The following DEPDC1B variants were observed in gnomAD, a reference collection of about 807,000 sequenced individuals.
DEPDC1B encodes the protein DEP domain containing 1B, also known as DEP domain-containing protein 1B.
Under a neutral mutation model 66.5 loss-of-function variants are expected in DEPDC1B, and 51 were observed. The ratio of observed to expected loss-of-function variants is 0.77; its 90% CI spans 0.61 to 0.97. The LOEUF is 0.97. DEPDC1B is among the 50% of genes least tolerant of loss of function. The pLI is 0.00. For missense variants in DEPDC1B, 552 were observed against 637.1 expected (o/e 0.87, Z 1.44); for synonymous variants, 226 against 223.6 (o/e 1.01, Z -0.10).
At position 60,690,668 on chromosome 5, in the gene DEPDC1B, C is replaced by T. The variant is rs186471564; in HGVS notation, c.49-3441G>A. Among the ~76,000 whole-genome samples the T allele has an allele frequency of 1.4e-3, 210 of 152,274 alleles. 2 individuals are homozygous for T. The East Asian group carries it at 0.017, about 12-fold the overall frequency. Reference sequence around the variant, plus strand: ...TCCGAATCTTTTGTCTCTCACCTCTCTTCCTATTTAAATCAGATTTTTCTG... The same window carrying T: ...TCCGAATCTTTTGTCTCTCACCTCTTTTCCTATTTAAATCAGATTTTTCTG... On this transcript the variant is annotated intron_variant, in intron 1 of 10. Transcript: ENST00000265036.
intron 2 of DEPDC1B, among the ~76,000 whole-genome samples, chr5:60,665,264 C>T (rs1021331319): frequency 2.0e-5 from 3 of 152,186 alleles, no homozygotes; most frequent in Non-Finnish European, 4.4e-5. Context: ...CCAGACCTTT[C>T]ACTTAGGCAT....
chr5:60,625,591 G>A (rs777835663), intron 7 of DEPDC1B, among the ~76,000 whole-genome samples: 1 of 152,092 alleles, frequency 6.6e-6, no homozygotes, highest in Non-Finnish European at 1.5e-5. Flanking sequence ...TGGTTGATAA[G>A]CTATACCTCT....
intron 2 of DEPDC1B, among the ~76,000 whole-genome samples, chr5:60,665,586 A>G (rs919445736): frequency 6.6e-6 from 1 of 152,164 alleles, no homozygotes; most frequent in African/African-American, 2.4e-5. Flanking sequence ...ACCCCTCCCA[A>G]GGAAATCTCA....
chr5:60,688,962 A>G (rs1367730125), intron 1 of DEPDC1B: 7 of 455,184 alleles, frequency 1.5e-5, no homozygotes, highest in Admixed American at 2.4e-5. Context: ...AACTCACTGT[A>G]ATACACTGCT....
At chr5:60,599,962 T>C (rs911600119) in intron 9 of DEPDC1B, among the ~76,000 whole-genome samples, 1 of 152,110 alleles carries the variant, frequency 6.6e-6, no homozygotes, top group African/African-American at 2.4e-5. Context: ...CTAGGGCCAC[T>C]GGGTTAGGGT....
intron 7 of DEPDC1B, among the ~76,000 whole-genome samples, chr5:60,628,939 T>C (rs1387500835): frequency 6.6e-6 from 1 of 152,222 alleles, no homozygotes; most frequent in East Asian, 1.9e-4. Flanking sequence ...TAAACTTCTT[T>C]CCCAAAAGTT....
chr5:60,604,875 C>CA (rs993145267), intron 8 of DEPDC1B, among the ~76,000 whole-genome samples: 8 of 152,026 alleles, frequency 5.3e-5, no homozygotes, highest in African/African-American at 1.9e-4. Context: ...CCACTCACTC[C>CA]AAAAAAATAT....
intron 7 of DEPDC1B, among the ~76,000 whole-genome samples, chr5:60,636,301 A>G (rs576714122): frequency 6.6e-5 from 10 of 152,210 alleles, no homozygotes; most frequent in Non-Finnish European, 1.5e-4. Flanking sequence ...GTCTTTTTTA[A>G]AGAATCTTTA....
intron 6 of DEPDC1B, among the ~76,000 whole-genome samples, chr5:60,640,960 C>T (rs1472421691): frequency 1.3e-5 from 2 of 152,172 alleles, no homozygotes; most frequent in Non-Finnish European, 2.9e-5. Flanking sequence ...GCCCTTTGGC[C>T]ACCTTTATTT....
rs777146759 is a variant in DEPDC1B at position 60,605,784 on chromosome 5, C to T, written c.971G>A (p.Arg324Lys). The T allele has an allele frequency of 1.2e-6, 2 of 1,613,558 alleles. No homozygotes were observed. The highest frequency in any genetic ancestry group is 8.5e-7 in the Non-Finnish European group (1 of 1,179,718). Reference sequence around the variant, plus strand: ...CCTCATCAATAGCTGTAACTTTCTCCTATTTTCAGGAGGTAGGAGAAGGCA... The same window carrying T: ...CCTCATCAATAGCTGTAACTTTCTCTTATTTTCAGGAGGTAGGAGAAGGCA... ...ICCLLLPPEN[R>K]RKLQLLMRMM... Residue 324 changes from arginine (R) to lysine (K), a missense_variant, in exon 8 of 11, where the codon AGG becomes AAG. Transcript: ENST00000265036.
At chr5:60,686,846 A>G in intron 2 of DEPDC1B, 116 bp downstream of exon 2, 1 of 1,299,070 alleles carries the variant, frequency 7.7e-7, no homozygotes, top group South Asian at 1.4e-5. Flanking sequence ...TCACAACTAG[A>G]CCCACTGTTC....
chr5:60,628,110 A>G (rs1054818365), intron 7 of DEPDC1B: 24 of 152,350 alleles, frequency 1.6e-4, no homozygotes, highest in African/African-American at 5.8e-4. Flanking sequence ...ATAAGTGAAT[A>G]AATAATTTAA....
chr5:60,653,711 G>A (rs891391114), intron 2 of DEPDC1B, among the ~76,000 whole-genome samples: 1 of 151,986 alleles, frequency 6.6e-6, no homozygotes, highest in Non-Finnish European at 1.5e-5. Flanking sequence ...GGGTTTTTCT[G>A]ATGTTCTGCG....
At position 60,629,534 on chromosome 5, in the gene DEPDC1B, T is replaced by G. The variant is rs531899339; in HGVS notation, c.898+9216A>C. On this transcript the variant is annotated intron_variant, in intron 7 of 10. Transcript: ENST00000265036. ...ATTTCATTGTAAAAAATTTGTTTCTTTTTTGTAACATTAATTCCAATTAGA... is the reference window on the plus strand; with the variant it reads ...ATTTCATTGTAAAAAATTTGTTTCTGTTTTGTAACATTAATTCCAATTAGA... Among the ~76,000 whole-genome samples the G allele has an allele frequency of 2.6e-5, 4 of 152,304 alleles. No homozygotes were observed. In the South Asian group the frequency reaches 8.3e-4, roughly 32 times the overall value.
At chr5:60,640,009 C>T (rs558742297) in intron 6 of DEPDC1B, among the ~76,000 whole-genome samples, 100 of 152,314 alleles carry the variant, frequency 6.6e-4, no homozygotes, top group African/African-American at 2.3e-3. Flanking sequence ...GACATTAAAG[C>T]ATTCTGGGTC....
At chr5:60,692,549 C>A (rs1304187462) in intron 1 of DEPDC1B, among the ~76,000 whole-genome samples, 1 of 152,070 alleles carries the variant, frequency 6.6e-6, no homozygotes, top group Admixed American at 6.5e-5. Context: ...TGTGAAAGAA[C>A]TAGAAATCTC....
intron 6 of DEPDC1B, among the ~76,000 whole-genome samples, chr5:60,639,258 A>G (rs1055447141): frequency 6.6e-6 from 1 of 152,238 alleles, no homozygotes; most frequent in Admixed American, 6.5e-5. Context: ...ACATTATCCT[A>G]GTCTTAATAA....
At chr5:60,629,717 GTGT>G (rs879292594) in intron 7 of DEPDC1B, among the ~76,000 whole-genome samples, 1 of 152,014 alleles carries the variant, frequency 6.6e-6, no homozygotes, top group Non-Finnish European at 1.5e-5. Context: ...TTGTTGTTTT[GTGT>G]TGTTGTTTTT....
intron 4 of DEPDC1B, 72 bp downstream of exon 4, chr5:60,645,420 G>T: frequency 7.3e-7 from 1 of 1,371,898 alleles, no homozygotes; most frequent in Non-Finnish European, 9.8e-7. Flanking sequence ...AATTAAATAT[G>T]CAGAGAGTGA....
Sources: allele counts gnomAD v4.1 joint callset (sites outside exome capture counted in the v4.1 genomes callset), GRCh38; gene constraint gnomAD v4.1.1; transcripts MANE v1.5; gene names NCBI Gene and HGNC (gene_info 2026-07-23, HGNC 2026-07-21).